Variants in PTPRG observed in about 807,000 individuals in gnomAD.
PTPRG encodes protein tyrosine phosphatase receptor type G, also known as receptor-type tyrosine-protein phosphatase gamma.
PTPRG carries 102 observed loss-of-function variants against 165.3 expected under a neutral mutation model. That is an observed-to-expected ratio of 0.62 (90% confidence interval 0.53 to 0.73). The LOEUF (loss-of-function observed/expected upper bound fraction) is 0.73, where lower values mean the gene tolerates loss of function less well. Ranked by LOEUF, PTPRG falls within the 30% of genes least tolerant of loss-of-function variation. The probability of loss-of-function intolerance (pLI) is 0.00; values close to 1 mark genes in which losing one functional copy is unlikely to be tolerated. For synonymous variants in PTPRG, 675 were observed against 669.5 expected (o/e 1.01, Z -0.13); for missense variants, 1,866 against 1,861.4 (o/e 1.00, Z -0.05).
intron 4 of PTPRG, among the ~76,000 whole-genome samples, chr3:62,021,258 C>G (rs961006398): frequency 1.3e-5 from 2 of 152,148 alleles, no homozygotes; most frequent in Non-Finnish European, 2.9e-5. Context: ...CCTTTCGGCT[C>G]TTTCTGTTGG....
At chr3:62,053,619 G>A (rs1013494738) in intron 4 of PTPRG, among the ~76,000 whole-genome samples, 1 of 152,112 alleles carries the variant, frequency 6.6e-6, no homozygotes, top group Non-Finnish European at 1.5e-5. Flanking sequence ...ATTCTGAAGG[G>A]ATGAATTTGT....
chr3:61,766,617 AT>A (rs71629142), intron 2 of PTPRG, among the ~76,000 whole-genome samples: 2,914 of 109,748 alleles, frequency 0.027, 76 homozygotes, highest in East Asian at 0.072. Context: ...GTTAAAAAAA[AT>A]TTTTTTTTTT....
chr3:62,243,580 T>A (rs1285505752), intron 14 of PTPRG: 2 of 396,112 alleles, frequency 5.0e-6, no homozygotes, highest in Admixed American at 4.3e-5. Context: ...CCCTTTGAAC[T>A]ATCAGTTTGG....
chr3:62,135,448 A>C (rs1362836708), intron 6 of PTPRG, among the ~76,000 whole-genome samples: 1 of 152,206 alleles, frequency 6.6e-6, no homozygotes, highest in African/African-American at 2.4e-5. Context: ...AGAAAAATCA[A>C]TATGGATTTC....
At chr3:62,286,521 G>A (rs575935058) in intron 28 of PTPRG, among the ~76,000 whole-genome samples, 1 of 151,036 alleles carries the variant, frequency 6.6e-6, no homozygotes, top group Non-Finnish European at 1.5e-5. Flanking sequence ...GACTATACAA[G>A]GAATCACAAT....
At chr3:61,945,004 G>A (rs1397909683) in intron 2 of PTPRG, among the ~76,000 whole-genome samples, 2 of 152,314 alleles carry the variant, frequency 1.3e-5, no homozygotes, top group African/African-American at 4.8e-5. Flanking sequence ...CAAGTTGCGT[G>A]TGTCATGAAG....
In PTPRG at chr3:61,950,569, T is replaced by G. The variant is rs547617942; in HGVS notation, c.191-39056T>G. ...AACCATGCCTTAAATGGTTTTTTTT[T>G]AATACATTTTTTTAAAGCATTGGTT... On this transcript the variant is annotated intron_variant, in intron 2 of 29. Coordinates refer to ENST00000474889, the MANE Select transcript of PTPRG (RefSeq NM_002841.4). Among the ~76,000 whole-genome samples the G allele has an allele frequency of 1.3e-3, 204 of 151,988 alleles. 1 individual carries two copies. The highest frequency in any genetic ancestry group is 4.7e-3 in the African/African-American group (193 of 41,388).
chr3:62,018,551 T>C (rs1248835996), intron 4 of PTPRG, among the ~76,000 whole-genome samples: 2 of 152,214 alleles, frequency 1.3e-5, no homozygotes, highest in African/African-American at 4.8e-5. Flanking sequence ...GTCTCAAAAA[T>C]GCCTGAAATT....
At chr3:61,653,755 C>T (rs1041433680) in intron 1 of PTPRG, among the ~76,000 whole-genome samples, 1 of 152,130 alleles carries the variant, frequency 6.6e-6, no homozygotes, top group Non-Finnish European at 1.5e-5. Flanking sequence ...GGCCCAGCCT[C>T]TATGAAAGGG....
At chr3:61,814,667 A>G (rs536942463) in intron 2 of PTPRG, among the ~76,000 whole-genome samples, 3 of 151,992 alleles carry the variant, frequency 2.0e-5, no homozygotes, top group Admixed American at 1.3e-4. Flanking sequence ...TATTTCATGC[A>G]TAAGCAAAAG....
chr3:61,818,872 G>GTGAATAGTGAAATAT (rs2035871741), intron 2 of PTPRG, among the ~76,000 whole-genome samples: 1 of 104,416 alleles, frequency 9.6e-6, no homozygotes, highest in Admixed American at 1.0e-4. Flanking sequence ...TAGTGAAATA[G>GTGAATAGTGAAATAT]TGAATAGTGA....
chr3:61,692,301 A>G (rs968012074), intron 1 of PTPRG, among the ~76,000 whole-genome samples: 4 of 152,206 alleles, frequency 2.6e-5, no homozygotes, highest in African/African-American at 4.8e-5. Flanking sequence ...CTTGCATTCA[A>G]CTTTGAGCTG....
At chr3:62,246,911 A>G (rs1414744044) in intron 15 of PTPRG, among the ~76,000 whole-genome samples, 2 of 152,150 alleles carry the variant, frequency 1.3e-5, no homozygotes, top group East Asian at 3.9e-4. Flanking sequence ...ATTTGCAGAC[A>G]ACAGACATAA....
chr3:62,145,115 A>G (rs1202036417), intron 6 of PTPRG, among the ~76,000 whole-genome samples: 2 of 152,116 alleles, frequency 1.3e-5, no homozygotes, highest in African/African-American at 2.4e-5. Context: ...TGCTCTATGT[A>G]TGTCACCTCG....
rs923103942 is a variant in PTPRG, at chr3:62,293,968, G to A, written c.*661G>A. ...TATTAGTTACAAAGTTATATTCACA[G>A]TTTTTTAAAAATGTGTCAAAATAAA... On this transcript the variant is annotated 3_prime_UTR_variant, in exon 30 of 30. Coordinates refer to ENST00000474889, the MANE Select transcript of PTPRG (RefSeq NM_002841.4). 2 of 152,626 alleles carry A rather than the reference G, an allele frequency of 1.3e-5. No homozygotes were observed. The highest frequency in any genetic ancestry group is 1.5e-5 in the Non-Finnish European group (1 of 67,988). The allele number at this position is 152,626 out of a possible 1,614,324, so 9.5% of individuals were successfully genotyped here.
chr3:61,860,841 G>C (rs1009027902), intron 2 of PTPRG, among the ~76,000 whole-genome samples: 7 of 152,090 alleles, frequency 4.6e-5, no homozygotes, highest in African/African-American at 1.7e-4. Flanking sequence ...CCCAGGGTGT[G>C]TGTGTATTAA....
intron 2 of PTPRG, among the ~76,000 whole-genome samples, chr3:61,865,743 A>G (rs1190384061): frequency 1.3e-5 from 2 of 152,200 alleles, no homozygotes; most frequent in East Asian, 1.9e-4. Context: ...ATAACTTCAG[A>G]TTTCCTAGCC....
intron 2 of PTPRG, among the ~76,000 whole-genome samples, chr3:61,818,248 CTGATA>C (rs1412859876): frequency 6.6e-6 from 1 of 151,866 alleles, no homozygotes; most frequent in Non-Finnish European, 1.5e-5. Context: ...CACTATATAC[CTGATA>C]TTTTAAAATA....
At chr3:61,664,853 TA>T (rs140935622) in intron 1 of PTPRG, among the ~76,000 whole-genome samples, 131 of 151,784 alleles carry the variant, frequency 8.6e-4, no homozygotes, top group Non-Finnish European at 9.3e-4. Context: ...TAAATAAAAA[TA>T]AAAAAAATAA....
Sources: allele counts gnomAD v4.1 joint callset (sites outside exome capture counted in the v4.1 genomes callset), GRCh38; gene constraint gnomAD v4.1.1; transcripts MANE v1.5; gene names NCBI Gene and HGNC (gene_info 2026-07-23, HGNC 2026-07-21).